Variants in MED12L observed in about 807,000 individuals in gnomAD.
The protein encoded by MED12L is mediator of RNA polymerase II transcription subunit 12-like protein.
Under a neutral mutation model 281.3 loss-of-function variants are expected in MED12L, and 60 were observed. The observed-to-expected ratio is 0.21, with a 90% CI of 0.17 to 0.26. The LOEUF (loss-of-function observed/expected upper bound fraction) is 0.26. Ranked by LOEUF, MED12L falls within the 10% of genes least tolerant of loss-of-function variation. The pLI, the probability that MED12L is intolerant of heterozygous loss-of-function variation, is 1.00. For synonymous variants in MED12L, 974 were observed against 987.2 expected, an observed-to-expected ratio of 0.99 and a Z score of 0.25; for missense variants, 2,146 against 2,680.9, an observed-to-expected ratio of 0.80 and a Z score of 4.41.
intron 11 of MED12L, among the ~76,000 whole-genome samples, chr3:151,171,620 A>C (rs1393316742): frequency 6.6e-6 from 1 of 152,204 alleles, no homozygotes; most frequent in Non-Finnish European, 1.5e-5. Flanking sequence ...GATTTGTTTT[A>C]TGCTTAGACT....
chr3:151,372,536 G>A (rs746693954), intron 26 of MED12L, 31 bp from the exon 27 acceptor site: 2 of 1,564,668 alleles, frequency 1.3e-6, no homozygotes, highest in South Asian at 2.2e-5. Context: ...TTGAACTTCT[G>A]TGATTTTGCT....
At chr3:151,292,969 G>T (rs1323844692) in intron 16 of MED12L, among the ~76,000 whole-genome samples, 2 of 152,180 alleles carry the variant, frequency 1.3e-5, no homozygotes, top group Non-Finnish European at 2.9e-5. Flanking sequence ...ATGACCAACT[G>T]AGGTATATAT....
intron 16 of MED12L, among the ~76,000 whole-genome samples, chr3:151,253,497 C>T (rs1431122065): frequency 6.6e-6 from 1 of 152,188 alleles, no homozygotes; most frequent in African/African-American, 2.4e-5. Context: ...TAAATTTCAA[C>T]TTTAGTGGAG....
chr3:151,337,799 T>C (rs752548053), intron 16 of MED12L: 2 of 1,611,432 alleles, frequency 1.2e-6, no homozygotes, highest in South Asian at 1.1e-5. Flanking sequence ...GATTGAAATA[T>C]TTCCTTAGTT....
At chr3:151,183,597 T>C (rs1722946539) in intron 11 of MED12L, among the ~76,000 whole-genome samples, 1 of 152,236 alleles carries the variant, frequency 6.6e-6, no homozygotes, top group African/African-American at 2.4e-5. Context: ...TGTGATTTGT[T>C]TTGACTTCTC....
At chr3:151,252,769 T>TAACTTATCTACTAACTAGATAAGTTCTAG (rs1394380265) in intron 16 of MED12L, among the ~76,000 whole-genome samples, 11 of 152,190 alleles carry the variant, frequency 7.2e-5, no homozygotes, top group African/African-American at 2.2e-4. Flanking sequence ...TGTAATCTAC[T>TAACTTATCTACTAACTAGATAAGTTCTAG]AACTTATCTA....
At position 151,435,601 on chromosome 3, in the gene MED12L, C is replaced by CATTTATAAAGCTCCT. The variant is rs1720063421; in HGVS notation, c.*2800_*2814dup. The CATTTATAAAGCTCCT allele has an allele frequency of 7.1e-6, 1 of 140,910 alleles. No individual in the cohort carries two copies. The highest frequency in any genetic ancestry group is 1.5e-5 in the Non-Finnish European group (1 of 65,208). The allele number at this position is 140,910 out of a possible 1,614,324, so 8.7% of individuals were successfully genotyped here. A position where few individuals can be genotyped will look rare whatever the true frequency, so the allele number is the denominator to read the frequency against. ...TCTAAGACCTATGGCATTTTTTTCC[C>CATTTATAAAGCTCCT]ATTTATAAAGCTCCTATAATTCTTA... On this transcript the variant is annotated 3_prime_UTR_variant, in exon 45 of 45. Coordinates refer to ENST00000687756, the MANE Select transcript of MED12L (RefSeq NM_001393769.1).
intron 3 of MED12L, among the ~76,000 whole-genome samples, chr3:151,120,473 T>C (rs942946688): frequency 6.6e-6 from 1 of 152,198 alleles, no homozygotes; most frequent in African/African-American, 2.4e-5. Context: ...TTGCAAAAAA[T>C]GCTGTAAATG....
chr3:151,432,693 A>C (rs1416911322), intron 44 of MED12L, 59 bp from the exon 45 acceptor site: 2 of 1,249,674 alleles, frequency 1.6e-6, no homozygotes, highest in East Asian at 4.7e-5. Flanking sequence ...AGAGGGTAGC[A>C]TCCATCTGTG....
chr3:151,229,083 T>C (rs1255491721), intron 16 of MED12L, among the ~76,000 whole-genome samples: 4 of 152,166 alleles, frequency 2.6e-5, no homozygotes, highest in African/African-American at 4.8e-5. Flanking sequence ...TATCAACCAC[T>C]TGTGTGTTTG....
At position 151,383,813 on chromosome 3, in the gene MED12L, C is replaced by A. The variant is rs1367538051; in HGVS notation, c.4715C>A (p.Thr1572Asn). 1 of 1,613,736 alleles carries A rather than the reference C, an allele frequency of 6.2e-7. No individual in the cohort carries two copies. Among genetic ancestry groups the A allele is most frequent in the East Asian group, 2.2e-5 (1 of 44,868 alleles). The stretch of plus-strand genomic sequence containing the variant: ...ATGTTTGACACGGTGCAGAGGAGCA[C>A]CCAGTGGACTACAGACTGGGCCCTG... ...GGMFDTVQRSTQWTTDWALLL... is the reference protein window; with the variant it reads ...GGMFDTVQRSNQWTTDWALLL... The change falls in exon 34 of 45, where the codon ACC becomes AAC. Residue 1572 changes from threonine to asparagine, a missense_variant. Coordinates refer to ENST00000687756, the MANE Select transcript of MED12L (RefSeq NM_001393769.1).
intron 27 of MED12L, 117 bp from the exon 28 acceptor site, chr3:151,375,909 A>T: frequency 3.5e-6 from 2 of 571,638 alleles, no homozygotes; most frequent in Non-Finnish European, 5.2e-6. Context: ...GTAATTTTTT[A>T]AATTGGAAAA....
rs367800398 is a variant in MED12L, at chr3:151,372,561, A to G, written c.3665-6A>G. The G allele has an allele frequency of 3.7e-6, 6 of 1,611,886 alleles. No homozygotes were observed. Among genetic ancestry groups the G allele is most frequent in the Admixed American group, 1.7e-5 (1 of 59,994 alleles). ...GTGATTTTGCTTTTGTGATTCTATT[A>G]CTTAGGAGATGCCAAAATTGGCAAT... On this transcript the variant is annotated splice_region_variant and splice_polypyrimidine_tract_variant and intron_variant, in intron 26 of 44. Transcript: ENST00000687756.
intron 16 of MED12L, among the ~76,000 whole-genome samples, chr3:151,253,797 C>A (rs1737282565): frequency 6.6e-6 from 1 of 152,114 alleles, no homozygotes; most frequent in African/African-American, 2.4e-5. Context: ...GGATTACTTT[C>A]TGGGCTTGAA....
chr3:151,212,245 G>C (rs1197468298), intron 16 of MED12L: 1 of 152,176 alleles, frequency 6.6e-6, no homozygotes, highest in Non-Finnish European at 1.5e-5. Flanking sequence ...GTTAATAGCA[G>C]AGAAAGAATT....
chr3:151,402,935 G>C (rs940898088), intron 39 of MED12L, among the ~76,000 whole-genome samples: 4 of 151,880 alleles, frequency 2.6e-5, no homozygotes, highest in African/African-American at 9.7e-5. Context: ...TAGGACTTCT[G>C]TAACTCTGCT....
At chr3:151,197,472 G>A (rs1007310160) in intron 16 of MED12L, among the ~76,000 whole-genome samples, 1 of 152,130 alleles carries the variant, frequency 6.6e-6, no homozygotes, top group African/African-American at 2.4e-5. Context: ...TTTAAACTGG[G>A]GCCCTACGTG....
chr3:151,275,483 G>C (rs574158771), intron 16 of MED12L, among the ~76,000 whole-genome samples: 1 of 152,206 alleles, frequency 6.6e-6, no homozygotes, highest in East Asian at 1.9e-4. Flanking sequence ...TTTATACCGA[G>C]TAAAGACAAA....
At chr3:151,329,131 C>T (rs1750053014) in intron 16 of MED12L, 3 of 677,788 alleles carry the variant, frequency 4.4e-6, no homozygotes, top group Admixed American at 6.6e-5. Flanking sequence ...TTATCCAACA[C>T]TTTCAATAGA....
Sources: gnomAD v4.1 joint callset for allele counts (sites outside exome capture counted in the v4.1 genomes callset) on GRCh38, gnomAD v4.1.1 for gene constraint, MANE v1.5 for transcripts, NCBI Gene and HGNC (gene_info 2026-07-23, HGNC 2026-07-21) for gene names.